RBM19: variants seen among roughly 807,000 people sequenced by gnomAD.
RBM19 encodes the protein RNA binding motif protein 19, also known as probable RNA-binding protein 19.
In RBM19, 94 loss-of-function variants were observed where a neutral mutation model predicts 116.8. That is an observed-to-expected ratio of 0.80 (90% CI 0.68 to 0.95). The LOEUF is 0.95. RBM19 is among the 40% of genes least tolerant of loss of function. The pLI, the probability that RBM19 is intolerant of heterozygous loss-of-function variation, is 0.00. For missense variants in RBM19, 1,161 were observed against 1,220.7 expected (o/e 0.95, Z 0.73); for synonymous variants, 475 against 494.1 (o/e 0.96, Z 0.51).
chr12:113,864,355 C>T (rs1206564007), intron 21 of RBM19, among the ~76,000 whole-genome samples: 1 of 152,166 alleles, frequency 6.6e-6, no homozygotes, highest in Non-Finnish European at 1.5e-5. Flanking sequence ...GAGCTCCCTC[C>T]CCTCTTCCTC....
At chr12:113,852,371 G>A (rs187447231) in intron 22 of RBM19, among the ~76,000 whole-genome samples, 2 of 152,212 alleles carry the variant, frequency 1.3e-5, no homozygotes, top group Non-Finnish European at 2.9e-5. Flanking sequence ...GGCTGAGCCT[G>A]CCTTGAAATG....
chr12:113,874,548 C>G (rs893556026), intron 21 of RBM19, among the ~76,000 whole-genome samples: 9 of 152,182 alleles, frequency 5.9e-5, no homozygotes, highest in African/African-American at 2.2e-4. Flanking sequence ...GTGGGTCTGT[C>G]TGACTGTGGA....
chr12:113,949,903 G>A (rs571537598), intron 9 of RBM19, among the ~76,000 whole-genome samples, 180 bp downstream of exon 9: 5 of 152,194 alleles, frequency 3.3e-5, no homozygotes, highest in South Asian at 2.1e-4. Context: ...TGTCAGCCCC[G>A]AAAGGGCAGG....
chr12:113,862,180 T>C (rs1433049871), intron 21 of RBM19, among the ~76,000 whole-genome samples: 1 of 152,196 alleles, frequency 6.6e-6, no homozygotes, highest in African/African-American at 2.4e-5. Context: ...CCGCTACCAA[T>C]GAGTGCCTGC....
In RBM19 at chr12:113,878,998, A is replaced by ACTAGACCGTGTGTCCCATCCCCGCCGT. The variant is rs375690487; in HGVS notation, c.2559-20129_2559-20103dup. ...CTGCCTGTAGGAGGCAGAACTAAGA[A>ACTAGACCGTGTGTCCCATCCCCGCCGT]CTAGACCGTGTGTCCCATCCCCGCC... is the stretch of plus-strand genomic sequence containing the variant. On this transcript the variant is annotated intron_variant, in intron 21 of 23. Transcript: ENST00000261741. 3.5e-4 allele frequency among the ~76,000 whole-genome samples: 53 copies of ACTAGACCGTGTGTCCCATCCCCGCCGT among 152,308 alleles called. 1 individual carries two copies. The highest frequency in any genetic ancestry group is 1.1e-3 in the African/African-American group (47 of 41,584).
chr12:113,966,053 C>A, intron 1 of RBM19, 139 bp downstream of exon 1: 1 of 926,746 alleles, frequency 1.1e-6, no homozygotes, highest in Non-Finnish European at 1.7e-6. Flanking sequence ...CCCAGGATCC[C>A]GCCCCCTTTG....
At chr12:113,879,595 G>A (rs936787394) in intron 21 of RBM19, among the ~76,000 whole-genome samples, 7 of 151,276 alleles carry the variant, frequency 4.6e-5, no homozygotes, top group African/African-American at 7.3e-5. Context: ...CCTACGCCCC[G>A]CTTCCACCAT....
chr12:113,871,041 G>A (rs139801059), intron 21 of RBM19, among the ~76,000 whole-genome samples: 1 of 152,230 alleles, frequency 6.6e-6, no homozygotes, highest in Admixed American at 6.5e-5. Flanking sequence ...GTGAGGCAAT[G>A]CCACCATTTA....
intron 11 of RBM19, among the ~76,000 whole-genome samples, 161 bp downstream of exon 11, chr12:113,947,173 C>T (rs1483587134): frequency 1.3e-5 from 2 of 152,198 alleles, no homozygotes; most frequent in African/African-American, 4.8e-5. Context: ...TTCTTACTCT[C>T]CAGTGGCTTG....
At chr12:113,945,960 C>T (rs1207168890) in intron 12 of RBM19, 36 bp from the exon 13 acceptor site, 14 of 1,504,980 alleles carry the variant, frequency 9.3e-6, no homozygotes, top group Non-Finnish European at 1.3e-5. Context: ...GATCAGACCG[C>T]AGCTGGATGA....
In RBM19 at chr12:113,927,236, C is replaced by G; in HGVS notation, c.2069-7G>C. 6.5e-7 allele frequency: 1 copy of G among 1,547,830 alleles called. No homozygotes were observed. Among genetic ancestry groups the G allele is most frequent in the Non-Finnish European group, 8.7e-7 (1 of 1,146,688 alleles). On this transcript the variant is annotated splice_polypyrimidine_tract_variant and splice_region_variant and intron_variant, in intron 16 of 23. Coordinates refer to ENST00000261741, the MANE Select transcript of RBM19 (RefSeq NM_016196.4). The stretch of plus-strand genomic sequence containing the variant: ...GGGGTTTCGCCATCAGGCACTGAAC[C>G]CCCATCAAAACAAAAACAAAAACAA...
At chr12:113,944,309 G>C (rs1388522749) in intron 13 of RBM19, among the ~76,000 whole-genome samples, 1 of 151,592 alleles carries the variant, frequency 6.6e-6, no homozygotes, top group African/African-American at 2.4e-5. Context: ...TGTTGGCCAG[G>C]CTGGTCTCGA....
intron 23 of RBM19, among the ~76,000 whole-genome samples, chr12:113,827,267 A>G (rs952178618): frequency 1.3e-5 from 2 of 152,136 alleles, no homozygotes; most frequent in African/African-American, 4.8e-5. Context: ...GTCACCAAAC[A>G]TCAATACCCG....
At chr12:113,922,223 T>A (rs1868639070) in intron 18 of RBM19, among the ~76,000 whole-genome samples, 1 of 152,188 alleles carries the variant, frequency 6.6e-6, no homozygotes, top group South Asian at 2.1e-4. Flanking sequence ...TGGACATCCC[T>A]GTGGGCTCCC....
Position 113,902,904 on chromosome 12 carries a change from T to C in RBM19, c.2558+12065A>G, listed in dbSNP as rs554992264. On this transcript the variant is annotated intron_variant, in intron 21 of 23. Transcript: ENST00000261741. Reference sequence around the variant, plus strand: ...GGGGGGGTTAGCAGCTTTATTGAGATATAATTCACATCTTATATAGTTCAC... The same window carrying C: ...GGGGGGGTTAGCAGCTTTATTGAGACATAATTCACATCTTATATAGTTCAC... 4.3e-4 allele frequency among the ~76,000 whole-genome samples: 66 copies of C among 152,342 alleles called. 2 individuals carry two copies. In the South Asian group the frequency reaches 0.012, roughly 28 times the overall value.
chr12:113,869,482 G>A (rs1244685278), intron 21 of RBM19, among the ~76,000 whole-genome samples: 2 of 152,186 alleles, frequency 1.3e-5, no homozygotes, highest in Non-Finnish European at 2.9e-5. Flanking sequence ...CTCTGCCTGA[G>A]TGAGTTAATG....
At chr12:113,818,977 G>A (rs1874246009), downstream of RBM19, among the ~76,000 whole-genome samples, 1 of 152,236 alleles carries the variant, frequency 6.6e-6, no homozygotes, top group Non-Finnish European at 1.5e-5. Flanking sequence ...CGCCACGTGG[G>A]ACAGAGGGAG....
Position 113,920,476 on chromosome 12 carries a change from GAGATCTGGGA to G in RBM19, c.2385+125_2385+134del. 3.7e-6 allele frequency: 3 copies of G among 802,170 alleles called. No homozygotes were observed. In the East Asian group the frequency reaches 7.3e-5, roughly 20 times the overall value. The allele number at this position is 802,170 out of a possible 1,614,324, so 49.7% of individuals were successfully genotyped here. A position where few individuals can be genotyped will look rare whatever the true frequency, so the allele number is the denominator to read the frequency against. Reference sequence around the variant, plus strand: ...TTTTTTCTTGGGCCACAGTCCCGTAGAGATCTGGGAAAAGCAATGGGCCCGGTCAAGTGTA... The same window carrying G: ...TTTTTTCTTGGGCCACAGTCCCGTAGAAAGCAATGGGCCCGGTCAAGTGTA... On this transcript the variant is annotated intron_variant, in intron 19 of 23. Transcript: ENST00000261741.
chr12:113,901,070 CCAAA>C (rs755504525), intron 21 of RBM19, among the ~76,000 whole-genome samples: 1 of 152,094 alleles, frequency 6.6e-6, no homozygotes, highest in Non-Finnish European at 1.5e-5. Context: ...AGAAAGATCC[CCAAA>C]CAGTGTTTCC....
Sources: allele counts gnomAD v4.1 joint callset (sites outside exome capture counted in the v4.1 genomes callset), GRCh38; gene constraint gnomAD v4.1.1; transcripts MANE v1.5; gene names NCBI Gene and HGNC (gene_info 2026-07-23, HGNC 2026-07-21).